Variants in CHSY1 observed in about 807,000 individuals in gnomAD.
CHSY1 encodes N-acetylgalactosaminyl-proteoglycan 3-beta-glucuronosyltransferase 1.
Under a neutral mutation model 59.8 loss-of-function variants are expected in CHSY1, and 13 were observed. The ratio of observed to expected loss-of-function variants is 0.22; its 90% confidence interval spans 0.14 to 0.35. CHSY1 has a LOEUF of 0.35. Ranked by LOEUF, CHSY1 falls within the 10% of genes least tolerant of loss-of-function variation. CHSY1 has a pLI of 1.00. For missense variants in CHSY1, 947 were observed against 1,030.6 expected (o/e 0.92, Z 1.11); for synonymous variants, 459 against 401.2 (o/e 1.14, Z -1.72).
intron 2 of CHSY1, among the ~76,000 whole-genome samples, chr15:101,204,477 CTT>C (rs1408629118): frequency 1.4e-5 from 2 of 144,614 alleles, no homozygotes; most frequent in East Asian, 2.0e-4. Context: ...ATAATGTACA[CTT>C]ATAGAGAAAA....
At chr15:101,187,965 C>A in intron 2 of CHSY1, 7 of 929,648 alleles carry the variant, frequency 7.5e-6, no homozygotes, top group Non-Finnish European at 9.0e-6. Flanking sequence ...CATCAACTAC[C>A]CATATCTAAT....
intron 2 of CHSY1, among the ~76,000 whole-genome samples, chr15:101,228,440 A>G (rs948962349): frequency 2.0e-5 from 3 of 152,234 alleles, no homozygotes; most frequent in Non-Finnish European, 2.9e-5. Context: ...TCAAACTGTT[A>G]AAAGCCAAAG....
rs115187984 is a variant in CHSY1, at chr15:101,247,245, C to T, written c.320+3892G>A. ...GCCTTCTTGGTGTTCCTTTCCAAGC[C>T]GGTCCCTGCCTTGGGACTTCCCGGT... On this transcript the variant is annotated intron_variant, in intron 1 of 2. Coordinates refer to ENST00000254190, the MANE Select transcript of CHSY1 (RefSeq NM_014918.5). Among the ~76,000 whole-genome samples, 119 of 152,192 alleles carry T rather than the reference C, an allele frequency of 7.8e-4. 1 individual carries two copies. Among genetic ancestry groups the T allele is most frequent in the African/African-American group, 2.7e-3 (111 of 41,530 alleles).
chr15:101,203,184 A>AG (rs996848510), intron 2 of CHSY1, among the ~76,000 whole-genome samples: 55 of 152,260 alleles, frequency 3.6e-4, no homozygotes, highest in East Asian at 2.7e-3. Context: ...CCCCTGAAAT[A>AG]GGGGGGGTGA....
chr15:101,189,588 G>A (rs1321406165), intron 2 of CHSY1: 4 of 382,346 alleles, frequency 1.0e-5, no homozygotes, highest in East Asian at 1.6e-4. Flanking sequence ...AGAGAGAAAG[G>A]GAAAGGGACA....
At position 101,177,327 on chromosome 15, in the gene CHSY1, C is replaced by T. The variant is rs2038204584; in HGVS notation, c.*61G>A. The T allele has an allele frequency of 6.5e-7, 1 of 1,542,806 alleles. No homozygotes were observed. The highest frequency in any genetic ancestry group is 8.8e-7 in the Non-Finnish European group (1 of 1,139,562). On this transcript the variant is annotated 3_prime_UTR_variant, in exon 3 of 3. Coordinates refer to ENST00000254190, the MANE Select transcript of CHSY1 (RefSeq NM_014918.5). ...ATACGGACTTCAAAAACTGATCATA[C>T]AAAAAATTTTTGAAAAATAAATTAG...
chr15:101,202,947 T>G (rs569429021), intron 2 of CHSY1, among the ~76,000 whole-genome samples: 64 of 152,326 alleles, frequency 4.2e-4, no homozygotes, highest in Admixed American at 1.8e-3. Context: ...AATTCCACAT[T>G]TCTTAAAATC....
chr15:101,204,068 G>C (rs1272327307), intron 2 of CHSY1, among the ~76,000 whole-genome samples: 1 of 152,130 alleles, frequency 6.6e-6, no homozygotes, highest in African/African-American at 2.4e-5. Flanking sequence ...GAATGACCTT[G>C]TTCTTAGGAA....
chr15:101,234,536 G>GC (rs1249591120), intron 2 of CHSY1, among the ~76,000 whole-genome samples: 1 of 152,072 alleles, frequency 6.6e-6, no homozygotes, highest in Non-Finnish European at 1.5e-5. Flanking sequence ...TTTTCTTTAG[G>GC]CCCCAAATGC....
At chr15:101,212,894 A>T (rs1233602244) in intron 2 of CHSY1, among the ~76,000 whole-genome samples, 1 of 152,248 alleles carries the variant, frequency 6.6e-6, no homozygotes, top group African/African-American at 2.4e-5. Context: ...ATATGTAATA[A>T]AGCAAGTATA....
intron 2 of CHSY1, among the ~76,000 whole-genome samples, chr15:101,225,720 C>T (rs2141269585): frequency 6.6e-6 from 1 of 152,324 alleles, no homozygotes; most frequent in East Asian, 1.9e-4. Flanking sequence ...CCTGTGCTTA[C>T]TGAACCACCA....
chr15:101,198,375 CATCT>C (rs2038531638), intron 2 of CHSY1, among the ~76,000 whole-genome samples: 1 of 152,188 alleles, frequency 6.6e-6, no homozygotes, highest in South Asian at 2.1e-4. Context: ...GAGAAATTAA[CATCT>C]GTCTCTGCTG....
chr15:101,238,408 ATC>A (rs1014427874), intron 1 of CHSY1, among the ~76,000 whole-genome samples: 1 of 152,230 alleles, frequency 6.6e-6, no homozygotes, highest in Non-Finnish European at 1.5e-5. Flanking sequence ...CTTCGAATGT[ATC>A]TCTTTCAAGT....
chr15:101,217,048 A>T (rs1019230830), intron 2 of CHSY1, among the ~76,000 whole-genome samples: 5 of 152,240 alleles, frequency 3.3e-5, no homozygotes, highest in African/African-American at 9.6e-5. Context: ...AGACTGTAAG[A>T]CTAAAGGCAA....
At chr15:101,208,797 A>G (rs745957563) in intron 2 of CHSY1, among the ~76,000 whole-genome samples, 3 of 152,170 alleles carry the variant, frequency 2.0e-5, no homozygotes, top group Non-Finnish European at 4.4e-5. Flanking sequence ...ATGGAAATGT[A>G]TAATAATGGT....
intron 1 of CHSY1, among the ~76,000 whole-genome samples, chr15:101,243,742 G>A (rs1000622049): frequency 1.3e-5 from 2 of 152,228 alleles, no homozygotes; most frequent in Non-Finnish European, 2.9e-5. Flanking sequence ...TGCCGGTCAA[G>A]GACAACTTTG....
At position 101,193,068 on chromosome 15, in the gene CHSY1, G is replaced by A. The variant is rs77325794; in HGVS notation, c.817-14088C>T. Among the ~76,000 whole-genome samples, 495 of 152,332 alleles carry A rather than the reference G, an allele frequency of 3.2e-3. 3 individuals carry two copies. The highest frequency in any genetic ancestry group is 0.012 in the African/African-American group (480 of 41,570). On this transcript the variant is annotated intron_variant, in intron 2 of 2. Coordinates refer to ENST00000254190, the MANE Select transcript of CHSY1 (RefSeq NM_014918.5). ...ACGAGGTAGCTCTGTTACTGTGCAC[G>A]TTTTACTTTCAGGGATACTCTAGTT... is the stretch of plus-strand genomic sequence containing the variant.
intron 1 of CHSY1, among the ~76,000 whole-genome samples, chr15:101,242,238 T>C (rs747243915): frequency 1.3e-5 from 2 of 151,996 alleles, no homozygotes; most frequent in Non-Finnish European, 2.9e-5. Context: ...AAAGTAAGAG[T>C]AGGAAACCCT....
intron 1 of CHSY1, among the ~76,000 whole-genome samples, chr15:101,246,772 C>A (rs1023777883): frequency 2.0e-5 from 3 of 152,188 alleles, no homozygotes; most frequent in African/African-American, 7.2e-5. Context: ...AGGGCAGTAA[C>A]TGTGAACCTG....
Sources: allele counts gnomAD v4.1 joint callset (sites outside exome capture counted in the v4.1 genomes callset), GRCh38; gene constraint gnomAD v4.1.1; transcripts MANE v1.5; gene names NCBI Gene and HGNC (gene_info 2026-07-23, HGNC 2026-07-21).